The following IDH3G variants were observed in gnomAD, a reference collection of about 807,000 sequenced individuals.
The protein encoded by IDH3G is isocitrate dehydrogenase (NAD(+)) 3 non-catalytic subunit gamma, also known as isocitrate dehydrogenase [NAD] subunit gamma, mitochondrial.
A neutral mutation model predicts 26.9 loss-of-function variants in IDH3G; 9 were observed. The observed-to-expected ratio is 0.34, with a 90% CI of 0.20 to 0.58. IDH3G has a LOEUF of 0.58. Among genes scored for constraint, IDH3G ranks in the 20% least tolerant of loss-of-function variants. The pLI is 0.85. For synonymous variants in IDH3G, 181 were observed against 160.0 expected (o/e 1.13, Z -0.99); for missense variants, 250 against 372.8 (o/e 0.67, Z 2.71).
chrX:153,790,534 C>A, intron 3 of IDH3G, 30 bp downstream of exon 3: 2 of 1,201,317 alleles, frequency 1.7e-6, no homozygotes, highest in Non-Finnish European at 2.3e-6. Context: ...AAGAGCCCCC[C>A]AAACCTAACA....
rs1435981352 is a variant in IDH3G, at chrX:153,790,701, T to G, written c.123+109A>C. 7.5e-6 allele frequency: 8 copies of G among 1,060,956 alleles called. No individual in the cohort carries two copies. In the African/African-American group the frequency reaches 1.5e-4, roughly 19 times the overall value. The allele number at this position is 1,060,956 out of a possible 1,213,427, so 87.4% of individuals were successfully genotyped here. ...GTACAACTCCCAGAAGAGGGGTGGG[T>G]AGCCCCTGGAGACCACGTCTCAGAG... is the stretch of plus-strand genomic sequence containing the variant. On this transcript the variant is annotated intron_variant, in intron 2 of 12. Transcript: ENST00000217901.
At position 153,790,807 on chromosome X, in the gene IDH3G, T is replaced by C; in HGVS notation, c.123+3A>G. ...ACATGCGTGGGCACGGGCAGGTACTTACTGAAAAGATGTTCCTCGAGGGGA... is the reference window on the plus strand; with the variant it reads ...ACATGCGTGGGCACGGGCAGGTACTCACTGAAAAGATGTTCCTCGAGGGGA... On this transcript the variant is annotated splice_donor_region_variant and intron_variant, in intron 2 of 12. Transcript: ENST00000217901. The C allele has an allele frequency of 8.3e-6, 10 of 1,210,039 alleles. No homozygotes were observed. The highest frequency in any genetic ancestry group is 1.1e-5 in the Non-Finnish European group (10 of 893,919).
rs369586574 is a variant in IDH3G, at chrX:153,786,283, G to C, written c.1020-11C>G. 1 of 1,203,172 alleles carries C rather than the reference G, an allele frequency of 8.3e-7. No homozygotes were observed. The highest frequency in any genetic ancestry group is 1.1e-6 in the Non-Finnish European group (1 of 890,609). ...GCATAGGAGTGCAGCCTAGAGGATG[G>C]GACAGCCAGCCTTCAGTCCCTGGGG... On this transcript the variant is annotated splice_polypyrimidine_tract_variant and intron_variant, in intron 11 of 12. Transcript: ENST00000217901.
Position 153,787,888 on chromosome X carries a change from T to C in IDH3G, c.475A>G (p.Lys159Glu). The C allele has an allele frequency of 6.6e-6, 8 of 1,210,826 alleles. No homozygotes were observed. Among genetic ancestry groups the C allele is most frequent in the South Asian group, 3.5e-5 (2 of 56,992 alleles). Reference protein sequence around the residue: ...KSLPGVVTRHKDIDILIVREN... With the variant: ...KSLPGVVTRHEDIDILIVREN... ...CGGACAATGAGGATGTCTATGTCCT[T>C]GTGCCGGGTCACCACGCCTGGAAGG... The change falls in exon 7 of 13, where the codon AAG becomes GAG. Residue 159 changes from lysine (K) to glutamate (E), a missense_variant. Physicochemically the swap from Lys to Glu is moderately conservative, Grantham distance 56. Transcript: ENST00000217901.
intron 10 of IDH3G, 47 bp from the exon 11 acceptor site, chrX:153,786,496 C>T (rs782633333): frequency 2.3e-5 from 22 of 971,345 alleles, no homozygotes; most frequent in South Asian, 2.2e-4. Context: ...AGAAGGATGC[C>T]GGGCAGTGAC....
intron 3 of IDH3G, 73 bp downstream of exon 3, chrX:153,790,491 C>T (rs1557070210): frequency 3.7e-6 from 4 of 1,088,506 alleles, no homozygotes; most frequent in Admixed American, 2.3e-5. Context: ...GCAGCCCACC[C>T]CCACCTGGAA....
In IDH3G at chrX:153,787,137, G is replaced by A. The variant is rs1277893729; in HGVS notation, c.691C>T (p.Leu231Phe). ...ACCTCCCTGCAGCACTGGAGGAAAA[G>A]CCCATCGCCCAGTTTCCTGGTGGGG... The part of the protein sequence containing the change: ...KANIMKLGDG[L>F]FLQCCREVAA... The change falls in exon 9 of 13, where the codon CTT (leucine) becomes TTT (phenylalanine). Residue 231 changes from leucine (L) to phenylalanine (F), a missense_variant. Transcript: ENST00000217901. The A allele has an allele frequency of 8.3e-7, 1 of 1,204,888 alleles. No individual in the cohort carries two copies. Among genetic ancestry groups the A allele is most frequent in the East Asian group, 3.0e-5 (1 of 33,667 alleles).
rs935748311 is a variant in IDH3G, at chrX:153,786,515, T to C, written c.925-66A>G. The C allele has an allele frequency of 7.9e-6, 7 of 885,933 alleles. No individual in the cohort carries two copies. The African/African-American group carries it at 1.2e-4, about 15-fold the overall frequency. The allele number at this position is 885,933 out of a possible 1,213,427, so 73.0% of individuals were successfully genotyped here. On this transcript the variant is annotated intron_variant, in intron 10 of 12. Transcript: ENST00000217901. The stretch of plus-strand genomic sequence containing the variant: ...GGATGCCGGGCAGTGACTCTGCTCC[T>C]GTGACACGTCCAGAAGAAGCCACTC...
intron 7 of IDH3G, 30 bp downstream of exon 7, chrX:153,787,793 G>C (rs781961831): frequency 6.7e-6 from 8 of 1,194,269 alleles, no homozygotes; most frequent in Non-Finnish European, 9.1e-6. Flanking sequence ...TTGACGCTGG[G>C]GGGGCTCATC....
intron 8 of IDH3G, 70 bp downstream of exon 8, chrX:153,787,394 C>G: frequency 8.7e-7 from 1 of 1,151,424 alleles, no homozygotes. Flanking sequence ...ACCACAAATC[C>G]CTCAGAGCAG....
rs1238667378 is a variant in IDH3G, at chrX:153,792,685, C to T, written c.81+1561G>A. ...GGGCTGAGCTGAACCTCTCTGCCAC[C>T]CGGTCCCTGTGCCAGGTGTTCCTTT... On this transcript the variant is annotated intron_variant, in intron 1 of 12. Coordinates refer to ENST00000217901, the MANE Select transcript of IDH3G (RefSeq NM_004135.4). Among the ~76,000 whole-genome samples, 4 of 112,727 alleles carry T rather than the reference C, an allele frequency of 3.5e-5. No homozygotes were observed. In the Admixed American group the frequency reaches 3.7e-4, roughly 11 times the overall value.
chrX:153,787,431 C>G (rs943269358), intron 8 of IDH3G, 33 bp downstream of exon 8: 18 of 1,200,571 alleles, frequency 1.5e-5, no homozygotes, highest in African/African-American at 1.7e-5. Context: ...GCAGCTGCTT[C>G]TGGACTGCTC....
At chrX:153,788,993 A>T in intron 5 of IDH3G, 1 of 285,550 alleles carries the variant, frequency 3.5e-6, no homozygotes, top group Non-Finnish European at 7.1e-6. Context: ...GTTTGTGAAG[A>T]AAGATGCTGA....
At chrX:153,790,000 T>C in intron 4 of IDH3G, 176 bp from the exon 5 acceptor site, 1 of 480,847 alleles carries the variant, frequency 2.1e-6, no homozygotes, top group Non-Finnish European at 3.7e-6. Context: ...CAATGCACAC[T>C]GTGGCAGGAC....
intron 11 of IDH3G, 35 bp downstream of exon 11, chrX:153,786,320 G>A: frequency 8.3e-7 from 1 of 1,203,236 alleles, no homozygotes; most frequent in Non-Finnish European, 1.1e-6. Context: ...CCGGAGGGCT[G>A]GCCAGGGGCT....
chrX:153,786,997 T>C (rs1557069326), intron 9 of IDH3G, 50 bp from the exon 10 acceptor site: 5 of 1,198,829 alleles, frequency 4.2e-6, no homozygotes, highest in Non-Finnish European at 5.6e-6. Context: ...GAAGCATGGG[T>C]GAGAGAAGCC....
rs1557069998 is a variant in IDH3G, at chrX:153,789,692, C to T, written c.346+20G>A. 2.0e-6 allele frequency: 2 copies of T among 1,009,913 alleles called. No individual in the cohort carries two copies. The highest frequency in any genetic ancestry group is 2.8e-6 in the Non-Finnish European group (2 of 721,905). 83.2% of individuals were successfully genotyped at this position (1,009,913 alleles called of 1,213,427 possible). On this transcript the variant is annotated intron_variant, in intron 5 of 12. Transcript: ENST00000217901. ...AATCACACCTAGGGCCCCATCCTGG[C>T]CCCTGGCCCTGGAGCTCACCCTTCA... is the stretch of plus-strand genomic sequence containing the variant.
At chrX:153,790,353 C>T (rs1432900947) in intron 3 of IDH3G, 61 bp from the exon 4 acceptor site, 29 of 1,018,863 alleles carry the variant, frequency 2.8e-5, no homozygotes, top group Admixed American at 4.5e-5. Context: ...CAGCTCGGCC[C>T]CCATGGGCTC....
chrX:153,786,912 C>A lies in IDH3G; in HGVS notation c.813G>T (p.Val271=). Residue 271 remains valine, a synonymous_variant, in exon 10 of 13, where the codon GTG becomes GTT. Coordinates refer to ENST00000217901, the MANE Select transcript of IDH3G (RefSeq NM_004135.4). The part of the protein sequence containing the change: ...VSRPQQFDVM[V]MPNLYGNIVN... ...CGATGTTGCCATAGAGATTGGGCAT[C>A]ACCATGACATCAAACTGCTGGGGCC... 1 of 1,210,560 alleles carries A rather than the reference C, an allele frequency of 8.3e-7. No individual in the cohort carries two copies.
Sources: allele counts gnomAD v4.1 joint callset (sites outside exome capture counted in the v4.1 genomes callset), GRCh38; gene constraint gnomAD v4.1.1; transcripts MANE v1.5; gene names NCBI Gene and HGNC (gene_info 2026-07-23, HGNC 2026-07-21).